Variants in KCTD16 observed in about 807,000 individuals in gnomAD.
The protein encoded by KCTD16 is BTB/POZ domain-containing protein KCTD16.
A neutral mutation model predicts 33.2 loss-of-function variants in KCTD16; 13 were observed. The observed-to-expected ratio is 0.39, with a 90% confidence interval of 0.25 to 0.62. The LOEUF (loss-of-function observed/expected upper bound fraction) is 0.62, where lower values mean the gene tolerates loss of function less well. Among genes scored for constraint, KCTD16 ranks in the 20% least tolerant of loss-of-function variants. KCTD16 has a pLI of 0.50. For missense variants in KCTD16, 441 were observed against 525.1 expected (o/e 0.84, Z 1.57); for synonymous variants, 197 against 195.3 (o/e 1.01, Z -0.07).
intron 3 of KCTD16, among the ~76,000 whole-genome samples, chr5:144,444,066 G>A (rs966140132): frequency 6.6e-6 from 1 of 151,926 alleles, no homozygotes; most frequent in Non-Finnish European, 1.5e-5. Context: ...AGGAGGCCTG[G>A]TTTATTTCAC....
chr5:144,344,949 C>A (rs1207612547), intron 3 of KCTD16, among the ~76,000 whole-genome samples: 3 of 151,218 alleles, frequency 2.0e-5, no homozygotes, highest in Admixed American at 2.0e-4. Context: ...AGACTTGGAA[C>A]CAACCCAAAT....
chr5:144,458,892 T>C (rs911665963), intron 3 of KCTD16, among the ~76,000 whole-genome samples: 3 of 152,300 alleles, frequency 2.0e-5, no homozygotes, highest in African/African-American at 7.2e-5. Context: ...AATGAGAAAG[T>C]GAAGACAGCA....
intron 2 of KCTD16, among the ~76,000 whole-genome samples, chr5:144,190,891 C>T (rs1198152830): frequency 6.6e-6 from 1 of 152,158 alleles, no homozygotes; most frequent in Non-Finnish European, 1.5e-5. Flanking sequence ...ACTAAACAAA[C>T]ATTTACTGAA....
chr5:144,209,872 G>GTGTA (rs199770117), intron 3 of KCTD16, among the ~76,000 whole-genome samples: 5 of 144,866 alleles, frequency 3.5e-5, no homozygotes, highest in South Asian at 2.1e-4. Flanking sequence ...ATATATATGT[G>GTGTA]TGTATGTATG....
intron 3 of KCTD16, among the ~76,000 whole-genome samples, chr5:144,303,997 A>G (rs1392834082): frequency 6.6e-6 from 1 of 152,176 alleles, no homozygotes; most frequent in Non-Finnish European, 1.5e-5. Context: ...TTTTTGGCCC[A>G]TAATTGCCAT....
At chr5:144,461,446 C>A (rs558073694) in intron 3 of KCTD16, among the ~76,000 whole-genome samples, 4 of 152,310 alleles carry the variant, frequency 2.6e-5, no homozygotes, top group African/African-American at 9.6e-5. Context: ...ACACTTCTCT[C>A]GTCTTCTCAC....
chr5:144,374,176 G>A (rs1752035544), intron 3 of KCTD16, among the ~76,000 whole-genome samples: 1 of 152,158 alleles, frequency 6.6e-6, no homozygotes. Context: ...ACGTCTTTGT[G>A]GGGGCCATTA....
intron 3 of KCTD16, among the ~76,000 whole-genome samples, chr5:144,287,248 C>T (rs1343443261): frequency 6.9e-6 from 1 of 144,224 alleles, no homozygotes; most frequent in Non-Finnish European, 1.6e-5. Context: ...AGGCTCGTGT[C>T]TTCCACAAAC....
chr5:144,216,572 G>A (rs553792176), intron 3 of KCTD16, among the ~76,000 whole-genome samples: 4 of 152,178 alleles, frequency 2.6e-5, no homozygotes, highest in South Asian at 2.1e-4. Flanking sequence ...AGCCGGGCGC[G>A]GTGGCTCACA....
intron 3 of KCTD16, among the ~76,000 whole-genome samples, chr5:144,212,549 A>G (rs1024101618): frequency 6.6e-6 from 1 of 152,200 alleles, no homozygotes; most frequent in Non-Finnish European, 1.5e-5. Flanking sequence ...CAAAGAAATT[A>G]GAAATGGAAG....
At chr5:144,312,145 C>T (rs777761801) in intron 3 of KCTD16, among the ~76,000 whole-genome samples, 26 of 152,190 alleles carry the variant, frequency 1.7e-4, no homozygotes, top group African/African-American at 2.4e-4. Flanking sequence ...AAGACTGCTC[C>T]GAATTATCCC....
intron 3 of KCTD16, among the ~76,000 whole-genome samples, chr5:144,283,031 G>A (rs771452555): frequency 2.0e-5 from 3 of 152,094 alleles, no homozygotes; most frequent in Non-Finnish European, 4.4e-5. Flanking sequence ...TGAAAGAGGG[G>A]GAATTGGATT....
At chr5:144,433,301 G>A (rs965116534) in intron 3 of KCTD16, among the ~76,000 whole-genome samples, 1 of 152,110 alleles carries the variant, frequency 6.6e-6, no homozygotes, top group African/African-American at 2.4e-5. Flanking sequence ...GCGATAAACT[G>A]CAACTGATGG....
At chr5:144,322,228 G>A (rs1203015715) in intron 3 of KCTD16, among the ~76,000 whole-genome samples, 1 of 151,954 alleles carries the variant, frequency 6.6e-6, no homozygotes, top group African/African-American at 2.4e-5. Context: ...AGAATGTCGT[G>A]GACACCTGTT....
In KCTD16 at chr5:144,294,220, A is replaced by G. The variant is rs530264737; in HGVS notation, c.832+86674A>G. 5.3e-5 allele frequency among the ~76,000 whole-genome samples: 8 copies of G among 152,334 alleles called. No individual in the cohort carries two copies. The South Asian group carries it at 8.3e-4, about 16-fold the overall frequency. ...CACAGCGTTTTTTGAATAAATGCCA[A>G]TAAATCATATCTTATTTTGCTTTTG... On this transcript the variant is annotated intron_variant, in intron 3 of 3. Coordinates refer to ENST00000512467, the MANE Select transcript of KCTD16 (RefSeq NM_020768.4).
At chr5:144,335,917 A>G (rs1441827198) in intron 3 of KCTD16, among the ~76,000 whole-genome samples, 1 of 152,178 alleles carries the variant, frequency 6.6e-6, no homozygotes, top group Non-Finnish European at 1.5e-5. Flanking sequence ...TCATTTTAAG[A>G]ACCTGAAATT....
chr5:144,222,842 C>A (rs141250282), intron 3 of KCTD16, among the ~76,000 whole-genome samples: 1 of 152,272 alleles, frequency 6.6e-6, no homozygotes, highest in South Asian at 2.1e-4. Context: ...CACATGCACA[C>A]GTATGTTTAC....
At chr5:144,287,118 C>G (rs550411827) in intron 3 of KCTD16, among the ~76,000 whole-genome samples, 1 of 152,262 alleles carries the variant, frequency 6.6e-6, no homozygotes, top group Admixed American at 6.5e-5. Flanking sequence ...ACACAAGTTT[C>G]ACCTCAAGTG....
intron 3 of KCTD16, among the ~76,000 whole-genome samples, chr5:144,359,468 C>T (rs1197078484): frequency 6.6e-6 from 1 of 151,960 alleles, no homozygotes; most frequent in Non-Finnish European, 1.5e-5. Context: ...ATTGCACTGC[C>T]ATTGCTTCTT....
Sources: gnomAD v4.1 joint callset for allele counts (sites outside exome capture counted in the v4.1 genomes callset) on GRCh38, gnomAD v4.1.1 for gene constraint, MANE v1.5 for transcripts, NCBI Gene and HGNC (gene_info 2026-07-23, HGNC 2026-07-21) for gene names.